LRMDA: variants seen among roughly 807,000 people sequenced by gnomAD.
LRMDA encodes the protein leucine rich melanocyte differentiation associated.
A neutral mutation model predicts 29.8 loss-of-function variants in LRMDA; 18 were observed. That is an observed-to-expected ratio of 0.60 (90% confidence interval 0.42 to 0.90). The LOEUF (loss-of-function observed/expected upper bound fraction) is 0.90, where lower values mean the gene tolerates loss of function less well. LRMDA is among the 40% of genes least tolerant of loss of function. LRMDA has a pLI of 0.00. For missense variants in LRMDA, 273 were observed against 273.9 expected (o/e 1.00, Z 0.02); for synonymous variants, 125 against 109.4 (o/e 1.14, Z -0.89).
chr10:75,838,042 C>T (rs969337349), intron 2 of LRMDA, among the ~76,000 whole-genome samples: 2 of 151,906 alleles, frequency 1.3e-5, no homozygotes, highest in African/African-American at 4.8e-5. Context: ...ATATAAAAAC[C>T]ACAATGACTA....
At chr10:75,682,161 C>T (rs1842030367) in intron 2 of LRMDA, among the ~76,000 whole-genome samples, 1 of 152,168 alleles carries the variant, frequency 6.6e-6, no homozygotes, top group African/African-American at 2.4e-5. Flanking sequence ...CAGAATTCTA[C>T]CTAGGAGTAA....
intron 2 of LRMDA, among the ~76,000 whole-genome samples, chr10:75,947,097 A>C (rs2132415570): frequency 6.6e-6 from 1 of 152,256 alleles, no homozygotes; most frequent in South Asian, 2.1e-4. Flanking sequence ...AATTGTCTAA[A>C]CCATTTTATC....
Position 75,914,989 on chromosome 10 carries a change from A to G in LRMDA, c.132-121019A>G, listed in dbSNP as rs1345573755. Reference sequence around the variant, plus strand: ...GCACTCACTGGCCCATTGAAGAACCAGGTTGTTATCTTGTTATCTGACTGG... The same window carrying G: ...GCACTCACTGGCCCATTGAAGAACCGGGTTGTTATCTTGTTATCTGACTGG... On this transcript the variant is annotated intron_variant, in intron 2 of 6. Transcript: ENST00000611255. 3.3e-5 allele frequency among the ~76,000 whole-genome samples: 5 copies of G among 152,144 alleles called. No homozygotes were observed. In the East Asian group the frequency reaches 7.7e-4, roughly 23 times the overall value.
chr10:75,585,953 A>G (rs1229377706), intron 2 of LRMDA, among the ~76,000 whole-genome samples: 2 of 152,148 alleles, frequency 1.3e-5, no homozygotes, highest in East Asian at 3.8e-4. Context: ...GACTTATTTC[A>G]TTTAGCATAA....
intron 2 of LRMDA, among the ~76,000 whole-genome samples, chr10:75,903,389 AT>A (rs1195883484): frequency 1.3e-5 from 2 of 152,146 alleles, no homozygotes; most frequent in East Asian, 3.9e-4. Flanking sequence ...CGATGTCCAC[AT>A]TTGCATAGTT....
chr10:76,459,414 C>T (rs568700413), intron 6 of LRMDA, among the ~76,000 whole-genome samples: 7 of 152,178 alleles, frequency 4.6e-5, no homozygotes, highest in Non-Finnish European at 7.4e-5. Context: ...TGGAGTTCAA[C>T]ACCTCATGGA....
chr10:76,247,603 C>T (rs753040361), intron 5 of LRMDA, among the ~76,000 whole-genome samples: 1 of 152,186 alleles, frequency 6.6e-6, no homozygotes, highest in Non-Finnish European at 1.5e-5. Context: ...CACTTTTATT[C>T]TATCCCTGTA....
At chr10:76,484,239 T>A (rs1318363658) in intron 6 of LRMDA, among the ~76,000 whole-genome samples, 1 of 151,710 alleles carries the variant, frequency 6.6e-6, no homozygotes, top group Non-Finnish European at 1.5e-5. Flanking sequence ...CTCCTCCTTC[T>A]CCTTCTACTT....
intron 2 of LRMDA, among the ~76,000 whole-genome samples, chr10:75,898,860 C>T (rs1467592036): frequency 2.6e-5 from 4 of 152,048 alleles, no homozygotes; most frequent in African/African-American, 9.7e-5. Flanking sequence ...TGGTTCAGGG[C>T]CTTAAACTTT....
At chr10:76,529,108 G>T (rs140320517) in intron 6 of LRMDA, among the ~76,000 whole-genome samples, 1 of 152,050 alleles carries the variant, frequency 6.6e-6, no homozygotes, top group Non-Finnish European at 1.5e-5. Flanking sequence ...ATACAGTGCC[G>T]TATGCAACCA....
chr10:76,173,910 T>G (rs1850885114), intron 5 of LRMDA, among the ~76,000 whole-genome samples: 1 of 152,192 alleles, frequency 6.6e-6, no homozygotes, highest in Admixed American at 6.5e-5. Context: ...TCTGCCTGAC[T>G]TAGCCTCCCA....
At chr10:75,808,504 T>C (rs1843898505) in intron 2 of LRMDA, among the ~76,000 whole-genome samples, 1 of 152,224 alleles carries the variant, frequency 6.6e-6, no homozygotes, top group African/African-American at 2.4e-5. Context: ...TGAATAATGA[T>C]GTTCACACTT....
At chr10:75,958,119 G>T (rs1846696171) in intron 2 of LRMDA, among the ~76,000 whole-genome samples, 2 of 152,172 alleles carry the variant, frequency 1.3e-5, no homozygotes, top group South Asian at 4.1e-4. Flanking sequence ...CATTTCCAGG[G>T]TTACACTGCT....
chr10:76,553,870 C>G (rs1256589038), intron 6 of LRMDA, among the ~76,000 whole-genome samples: 2 of 152,086 alleles, frequency 1.3e-5, no homozygotes, highest in Non-Finnish European at 2.9e-5. Flanking sequence ...GCAGCTGGAT[C>G]TCATTTTCAA....
chr10:76,236,212 G>C (rs142194995), intron 5 of LRMDA, among the ~76,000 whole-genome samples: 10 of 152,296 alleles, frequency 6.6e-5, no homozygotes, highest in Admixed American at 1.3e-4. Context: ...ATTCTGGACA[G>C]AAATGTAGTT....
intron 2 of LRMDA, among the ~76,000 whole-genome samples, chr10:75,524,473 C>T (rs755387221): frequency 1.2e-4 from 18 of 152,066 alleles, no homozygotes; most frequent in Admixed American, 6.6e-4. Context: ...TGTAATTTAG[C>T]GTCTTGGTGT....
chr10:75,507,652 C>T (rs1485775876), intron 2 of LRMDA, among the ~76,000 whole-genome samples: 2 of 152,178 alleles, frequency 1.3e-5, no homozygotes, highest in African/African-American at 4.8e-5. Flanking sequence ...GTGCCCCACC[C>T]TACCCTTCTT....
At chr10:76,383,425 T>TTTTTTTTTTCTTTTTTC in intron 6 of LRMDA, among the ~76,000 whole-genome samples, 1 of 136,512 alleles carries the variant, frequency 7.3e-6, no homozygotes, top group African/African-American at 2.9e-5. Context: ...CTTTTTTTTT[T>TTTTTTTTTTCTTTTTTC]TTTTTTTTTT....
intron 2 of LRMDA, among the ~76,000 whole-genome samples, chr10:75,610,440 C>G (rs566688194): frequency 6.6e-5 from 10 of 151,946 alleles, no homozygotes; most frequent in Admixed American, 6.6e-5. Context: ...CATGTACACA[C>G]AGCACTCCCT....
Sources: gnomAD v4.1 joint callset for allele counts (sites outside exome capture counted in the v4.1 genomes callset) on GRCh38, gnomAD v4.1.1 for gene constraint, MANE v1.5 for transcripts, NCBI Gene and HGNC (gene_info 2026-07-23, HGNC 2026-07-21) for gene names.